Variants in SMARCC1 observed in about 807,000 individuals in gnomAD.
SMARCC1 encodes SWI/SNF related BAF chromatin remodeling complex subunit C1.
SMARCC1 carries 43 observed loss-of-function variants against 147.4 expected under a neutral mutation model. That is an observed-to-expected ratio of 0.29 (90% CI 0.23 to 0.38). The LOEUF (loss-of-function observed/expected upper bound fraction) is 0.38, where lower values mean the gene tolerates loss of function less well. Among genes scored for constraint, SMARCC1 ranks in the 10% least tolerant of loss-of-function variants. SMARCC1 has a pLI of 1.00. For synonymous variants in SMARCC1, 495 were observed against 484.4 expected, an observed-to-expected ratio of 1.02 and a Z score of -0.29; for missense variants, 1,119 against 1,381.1, an observed-to-expected ratio of 0.81 and a Z score of 3.01.
intron 2 of SMARCC1, among the ~76,000 whole-genome samples, chr3:47,747,200 G>A (rs779148349): frequency 1.1e-4 from 17 of 151,780 alleles, no homozygotes; most frequent in Admixed American, 1.1e-3. Flanking sequence ...TTGGCAGGCC[G>A]AAGCGGGCAG....
rs1394169740 is a variant in SMARCC1 at position 47,638,722 on chromosome 3, T to C, written c.2376+3A>G. 6.2e-7 allele frequency: 1 copy of C among 1,611,864 alleles called. No individual in the cohort carries two copies. Among genetic ancestry groups the C allele is most frequent in the African/African-American group, 1.3e-5 (1 of 74,894 alleles). The stretch of plus-strand genomic sequence containing the variant: ...CTGTGGTTTTACTGCTGTGAGACTT[T>C]ACCTTTTCAGGCTGCTGACCATCAG... On this transcript the variant is annotated splice_donor_region_variant and intron_variant, in intron 22 of 27. Transcript: ENST00000254480.
intron 9 of SMARCC1, among the ~76,000 whole-genome samples, chr3:47,707,226 T>C (rs2034003965): frequency 6.6e-6 from 1 of 151,722 alleles, no homozygotes; most frequent in South Asian, 2.1e-4. Flanking sequence ...ACATGAGAAC[T>C]GCTTGAACCC....
intron 2 of SMARCC1, among the ~76,000 whole-genome samples, chr3:47,768,268 T>C (rs527281180): frequency 6.6e-6 from 1 of 152,366 alleles, no homozygotes; most frequent in East Asian, 1.9e-4. Context: ...CATTATGGAT[T>C]GTATCAATCC....
chr3:47,657,659 C>T (rs905803796), intron 21 of SMARCC1, among the ~76,000 whole-genome samples: 1 of 151,834 alleles, frequency 6.6e-6, no homozygotes, highest in South Asian at 2.1e-4. Context: ...CACACACCAA[C>T]AAAAATAAGC....
intron 21 of SMARCC1, among the ~76,000 whole-genome samples, chr3:47,661,015 T>C (rs1458759690): frequency 6.6e-6 from 1 of 152,220 alleles, no homozygotes; most frequent in Admixed American, 6.5e-5. Flanking sequence ...TCCATGCATC[T>C]TTCAGTATTC....
At position 47,706,404 on chromosome 3, in the gene SMARCC1, C is replaced by A; in HGVS notation, c.1040+5G>T. 1 of 1,558,418 alleles carries A rather than the reference C, an allele frequency of 6.4e-7. No homozygotes were observed. The highest frequency in any genetic ancestry group is 1.2e-5 in the South Asian group (1 of 81,452). On this transcript the variant is annotated splice_donor_5th_base_variant and intron_variant, in intron 10 of 27. Transcript: ENST00000254480. ...ATGCCCTTTGAATCATGTAATAGTTCTTACCCTTTCTTCCCACTCTTCTTC... is the reference window on the plus strand; with the variant it reads ...ATGCCCTTTGAATCATGTAATAGTTATTACCCTTTCTTCCCACTCTTCTTC...
intron 25 of SMARCC1, among the ~76,000 whole-genome samples, chr3:47,611,196 A>G (rs972020095): frequency 1.3e-5 from 2 of 152,238 alleles, no homozygotes; most frequent in Admixed American, 6.5e-5. Flanking sequence ...TATAAAAATC[A>G]TAAGCATAAG....
rs2032545300 is a variant in SMARCC1 at position 47,610,295 on chromosome 3, T to A, written c.2814A>T (p.Glu938Asp). The change falls in exon 26 of 28, where the codon GAA becomes GAT. Residue 938 changes from glutamate to aspartate, a missense_variant. Coordinates refer to ENST00000254480, the MANE Select transcript of SMARCC1 (RefSeq NM_003074.4). Reference protein sequence around the residue: ...LEQQRQQLLTERQNFHMEQLK... With the variant: ...LEQQRQQLLTDRQNFHMEQLK... ...GCTGTTCCATGTGGAAGTTTTGGCGTTCAGTAAGCAACTGCTGCCTCTGTT... is the reference window on the plus strand; with the variant it reads ...GCTGTTCCATGTGGAAGTTTTGGCGATCAGTAAGCAACTGCTGCCTCTGTT... 1 of 1,614,122 alleles carries A rather than the reference T, an allele frequency of 6.2e-7. No homozygotes were observed.
At chr3:47,624,017 G>A (rs2032772362) in intron 24 of SMARCC1, among the ~76,000 whole-genome samples, 2 of 151,906 alleles carry the variant, frequency 1.3e-5, no homozygotes, top group Admixed American at 6.6e-5. Flanking sequence ...GGTCAGCCGT[G>A]GTGGCTCACG....
chr3:47,749,217 T>G (rs925917279), intron 2 of SMARCC1, among the ~76,000 whole-genome samples: 1 of 151,990 alleles, frequency 6.6e-6, no homozygotes, highest in African/African-American at 2.4e-5. Context: ...GGTGGGAGGA[T>G]CACTTGAACC....
At chr3:47,626,250 G>A (rs902360947) in intron 24 of SMARCC1, among the ~76,000 whole-genome samples, 3 of 151,676 alleles carry the variant, frequency 2.0e-5, no homozygotes, top group African/African-American at 4.8e-5. Context: ...AGGTTCAAGT[G>A]ACACTCCTGC....
chr3:47,604,305 A>G (rs1305392440), intron 26 of SMARCC1: 1 of 456,730 alleles, frequency 2.2e-6, no homozygotes, highest in South Asian at 1.5e-5. Context: ...CTTGGTAATA[A>G]ATCTGCCTAG....
In SMARCC1 at chr3:47,682,230, G is replaced by C. The variant is rs377254981; in HGVS notation, c.1386-1722C>G. On this transcript the variant is annotated intron_variant, in intron 14 of 27. Coordinates refer to ENST00000254480, the MANE Select transcript of SMARCC1 (RefSeq NM_003074.4). ...GAATGGCGTGAACCCGGAAGGCGGA[G>C]CTTGCAGTGAGCCGATATCGCGCCA... 6.4e-4 allele frequency among the ~76,000 whole-genome samples: 96 copies of C among 149,812 alleles called. No individual in the cohort carries two copies. In the South Asian group the frequency reaches 0.013, roughly 20 times the overall value.
At chr3:47,659,217 CACTT>C (rs1323077958) in intron 21 of SMARCC1, among the ~76,000 whole-genome samples, 1 of 144,272 alleles carries the variant, frequency 6.9e-6, no homozygotes, top group African/African-American at 2.6e-5. Flanking sequence ...TATTACCAAA[CACTT>C]AAAGAATTAA....
intron 1 of SMARCC1, among the ~76,000 whole-genome samples, chr3:47,775,007 T>G (rs751881490): frequency 6.6e-6 from 1 of 152,048 alleles, no homozygotes; most frequent in African/African-American, 2.4e-5. Context: ...TTTCACCAAC[T>G]TCTCTGGGCT....
chr3:47,714,192 C>T (rs1032202147), intron 8 of SMARCC1, among the ~76,000 whole-genome samples: 3 of 152,112 alleles, frequency 2.0e-5, no homozygotes, highest in Non-Finnish European at 4.4e-5. Context: ...AGTAAAACTC[C>T]GTCTCTACTA....
intron 24 of SMARCC1, among the ~76,000 whole-genome samples, chr3:47,631,653 C>G (rs758912506): frequency 5.9e-5 from 9 of 152,136 alleles, no homozygotes; most frequent in Non-Finnish European, 7.4e-5. Flanking sequence ...ATAACAGAAG[C>G]CATAAAGCAT....
intron 2 of SMARCC1, among the ~76,000 whole-genome samples, chr3:47,759,390 A>G (rs1317577752): frequency 2.0e-5 from 3 of 150,688 alleles, no homozygotes; most frequent in Non-Finnish European, 4.4e-5. Flanking sequence ...TGGGAGGCTG[A>G]GGCGGGCAGA....
chr3:47,696,864 ATT>A (rs2033858493), intron 11 of SMARCC1, among the ~76,000 whole-genome samples: 2 of 152,046 alleles, frequency 1.3e-5, no homozygotes, highest in African/African-American at 4.8e-5. Context: ...TCAGTGAATG[ATT>A]TTGGGTTTTT....
Sources: allele counts gnomAD v4.1 joint callset (sites outside exome capture counted in the v4.1 genomes callset), GRCh38; gene constraint gnomAD v4.1.1; transcripts MANE v1.5; gene names NCBI Gene and HGNC (gene_info 2026-07-23, HGNC 2026-07-21).